The following SGCZ variants were observed in gnomAD, a reference collection of about 807,000 sequenced individuals.
SGCZ encodes sarcoglycan zeta.
In SGCZ, 40 loss-of-function variants were observed where a neutral mutation model predicts 41.3. The observed-to-expected ratio is 0.97, with a 90% CI of 0.75 to 1.26. The LOEUF (loss-of-function observed/expected upper bound fraction) is 1.26. Among genes scored for constraint, SGCZ ranks in the 50% most tolerant of loss-of-function variants. SGCZ has a pLI of 0.00. For synonymous variants in SGCZ, 206 were observed against 137.5 expected (o/e 1.50, Z -3.49); for missense variants, 552 against 369.8 (o/e 1.49, Z -4.04).
At chr8:15,032,711 A>T (rs1803720547) in intron 1 of SGCZ, among the ~76,000 whole-genome samples, 2 of 152,066 alleles carry the variant, frequency 1.3e-5, no homozygotes, top group South Asian at 4.1e-4. Flanking sequence ...ATGCCTGGCC[A>T]ACCCCTGAAC....
At chr8:14,148,775 G>A (rs925729333) in intron 5 of SGCZ, among the ~76,000 whole-genome samples, 2 of 151,972 alleles carry the variant, frequency 1.3e-5, no homozygotes, top group African/African-American at 4.8e-5. Flanking sequence ...GAATATTGAT[G>A]CAAAAATCTT....
intron 1 of SGCZ, among the ~76,000 whole-genome samples, chr8:14,672,368 T>C (rs1175261065): frequency 6.6e-6 from 1 of 152,156 alleles, no homozygotes; most frequent in East Asian, 1.9e-4. Context: ...AGATGTGCGA[T>C]TTTAAGAATA....
intron 1 of SGCZ, among the ~76,000 whole-genome samples, chr8:14,954,386 A>C (rs1800732281): frequency 6.6e-6 from 1 of 152,156 alleles, no homozygotes; most frequent in African/African-American, 2.4e-5. Flanking sequence ...CAATCATTGA[A>C]GGTTGTCTTC....
intron 1 of SGCZ, among the ~76,000 whole-genome samples, chr8:14,782,972 G>C (rs1196000447): frequency 6.6e-6 from 1 of 152,206 alleles, no homozygotes; most frequent in African/African-American, 2.4e-5. Context: ...TAGATTAATG[G>C]ATATTATAAA....
At chr8:14,261,501 C>T (rs1341271801) in intron 3 of SGCZ, among the ~76,000 whole-genome samples, 1 of 152,088 alleles carries the variant, frequency 6.6e-6, no homozygotes, top group Non-Finnish European at 1.5e-5. Flanking sequence ...GAGTTCACTC[C>T]CTTTGAAAGT....
intron 3 of SGCZ, among the ~76,000 whole-genome samples, chr8:14,251,066 T>C (rs1433123302): frequency 6.6e-6 from 1 of 151,898 alleles, no homozygotes; most frequent in Non-Finnish European, 1.5e-5. Context: ...CGTCTCTACT[T>C]AAAGTACAAA....
chr8:14,848,021 A>G (rs1313427468), intron 1 of SGCZ, among the ~76,000 whole-genome samples: 1 of 152,180 alleles, frequency 6.6e-6, no homozygotes, highest in Non-Finnish European at 1.5e-5. Flanking sequence ...GTTACTGGAA[A>G]TAATAAGTGA....
chr8:14,287,638 T>C (rs1800686818), intron 3 of SGCZ, among the ~76,000 whole-genome samples: 1 of 152,122 alleles, frequency 6.6e-6, no homozygotes, highest in Non-Finnish European at 1.5e-5. Flanking sequence ...CTTTGACATG[T>C]TTATTTTTAT....
intron 2 of SGCZ, among the ~76,000 whole-genome samples, chr8:14,525,123 GATAC>G (rs2117109715): frequency 7.8e-6 from 1 of 128,938 alleles, no homozygotes; most frequent in East Asian, 2.4e-4. Flanking sequence ...TAGATAGATA[GATAC>G]ATTGATAGAT....
chr8:14,753,843 T>C (rs1408399973), intron 1 of SGCZ, among the ~76,000 whole-genome samples: 2 of 152,218 alleles, frequency 1.3e-5, no homozygotes, highest in East Asian at 3.8e-4. Flanking sequence ...TTTCACTAGC[T>C]GCAATCATGC....
At chr8:14,384,892 C>T (rs1341025831) in intron 2 of SGCZ, among the ~76,000 whole-genome samples, 4 of 152,108 alleles carry the variant, frequency 2.6e-5, no homozygotes, top group African/African-American at 9.7e-5. Context: ...TTTGTAAGTC[C>T]CAGTTGAGCA....
chr8:14,389,615 G>C (rs946650562), intron 2 of SGCZ, among the ~76,000 whole-genome samples: 1 of 151,864 alleles, frequency 6.6e-6, no homozygotes, highest in African/African-American at 2.4e-5. Flanking sequence ...CAAAAGCTTA[G>C]AGAATTTGTC....
At chr8:14,827,061 G>A (rs1802352844) in intron 1 of SGCZ, among the ~76,000 whole-genome samples, 1 of 151,344 alleles carries the variant, frequency 6.6e-6, no homozygotes, top group Non-Finnish European at 1.5e-5. Flanking sequence ...GGTTTTTATG[G>A]TTTTAGGTCT....
chr8:14,975,910 A>C (rs868360177), intron 1 of SGCZ, among the ~76,000 whole-genome samples: 1 of 148,230 alleles, frequency 6.7e-6, no homozygotes, highest in Admixed American at 6.8e-5. Flanking sequence ...ATATACACAC[A>C]CATATCTAAA....
At chr8:15,080,406 G>A (rs997659563) in intron 1 of SGCZ, among the ~76,000 whole-genome samples, 1 of 151,992 alleles carries the variant, frequency 6.6e-6, no homozygotes, top group African/African-American at 2.4e-5. Context: ...TGAGCATCCT[G>A]CCCCTCTCCA....
rs2116938864 is a variant in SGCZ at position 14,086,285 on chromosome 8, G to A, written c.*4158C>T. Among the ~76,000 whole-genome samples, 1 of 151,762 alleles carries A rather than the reference G, an allele frequency of 6.6e-6. No homozygotes were observed. Among genetic ancestry groups the A allele is most frequent in the South Asian group, 2.1e-4 (1 of 4,830 alleles). On this transcript the variant is annotated 3_prime_UTR_variant, in exon 8 of 8. Coordinates refer to ENST00000382080, the MANE Select transcript of SGCZ (RefSeq NM_139167.4). ...GATTTTAATAATTTAACATTATTAT[G>A]TTGACATTCTCTGCTATGAAATATA...
intron 1 of SGCZ, among the ~76,000 whole-genome samples, chr8:14,652,339 A>AC (rs1183257749): frequency 1.9e-4 from 7 of 36,892 alleles, no homozygotes; most frequent in Non-Finnish European, 4.9e-4. Context: ...AGACTCAAAA[A>AC]AAAAAAAGGG....
At chr8:14,151,262 G>A (rs1282230000) in intron 5 of SGCZ, among the ~76,000 whole-genome samples, 1 of 151,926 alleles carries the variant, frequency 6.6e-6, no homozygotes. Context: ...TTGCATTCTT[G>A]CATCGACATC....
Position 14,635,322 on chromosome 8 carries a change from A to C in SGCZ, c.40-80396T>G, listed in dbSNP as rs1287079585. ...CTTTTTAGCCATGAGAAATATATCCAACTGTACTGGAAATATATCCAACTA... is the reference window on the plus strand; with the variant it reads ...CTTTTTAGCCATGAGAAATATATCCCACTGTACTGGAAATATATCCAACTA... On this transcript the variant is annotated intron_variant, in intron 1 of 7. Coordinates refer to ENST00000382080, the MANE Select transcript of SGCZ (RefSeq NM_139167.4). Among the ~76,000 whole-genome samples, 6 of 151,908 alleles carry C rather than the reference A, an allele frequency of 3.9e-5. No individual in the cohort carries two copies. The South Asian group carries it at 1.0e-3, about 26-fold the overall frequency.
Sources: allele counts gnomAD v4.1 joint callset (sites outside exome capture counted in the v4.1 genomes callset), GRCh38; gene constraint gnomAD v4.1.1; transcripts MANE v1.5; gene names NCBI Gene and HGNC (gene_info 2026-07-23, HGNC 2026-07-21).